The following PARD3B variants were observed in gnomAD, a reference collection of about 807,000 sequenced individuals.
PARD3B encodes partitioning defective 3 homolog B.
Under a neutral mutation model 130.2 loss-of-function variants are expected in PARD3B, and 103 were observed. The ratio of observed to expected loss-of-function variants is 0.79; its 90% CI spans 0.67 to 0.93. The LOEUF (loss-of-function observed/expected upper bound fraction) is 0.93, where lower values mean the gene tolerates loss of function less well. Among genes scored for constraint, PARD3B ranks in the 40% least tolerant of loss-of-function variants. The pLI is 0.00. For missense variants in PARD3B, 1,609 were observed against 1,499.2 expected, an observed-to-expected ratio of 1.07 and a Z score of -1.21; for synonymous variants, 583 against 553.2, an observed-to-expected ratio of 1.05 and a Z score of -0.76.
chr2:205,145,328 CA>C (rs35788115), intron 10 of PARD3B, among the ~76,000 whole-genome samples: 45,808 of 145,132 alleles, frequency 0.32, 7,355 homozygotes, highest in Admixed American at 0.46. Context: ...GCCGCCCCCG[CA>C]AAAAAAAAAG....
At chr2:204,771,294 A>G (rs2041366316) in intron 2 of PARD3B, among the ~76,000 whole-genome samples, 1 of 151,962 alleles carries the variant, frequency 6.6e-6, no homozygotes, top group South Asian at 2.1e-4. Flanking sequence ...TGCCATAGAT[A>G]GTATCTATGA....
At chr2:204,852,172 T>TTG (rs202239924) in intron 2 of PARD3B, among the ~76,000 whole-genome samples, 11 of 142,116 alleles carry the variant, frequency 7.7e-5, no homozygotes, top group Admixed American at 6.3e-4. Flanking sequence ...TTGCCACAAG[T>TTG]TTTTTTTTTT....
chr2:205,581,263 TATAG>T (rs376693813), intron 22 of PARD3B, among the ~76,000 whole-genome samples: 89 of 131,152 alleles, frequency 6.8e-4, no homozygotes, highest in African/African-American at 2.3e-3. Context: ...TATATATAGA[TATAG>T]ATAGATAGAT....
chr2:205,059,935 T>A (rs1348885063), intron 4 of PARD3B, among the ~76,000 whole-genome samples: 1 of 152,108 alleles, frequency 6.6e-6, no homozygotes, highest in Non-Finnish European at 1.5e-5. Context: ...TTCAAATATA[T>A]TATTTCATCC....
chr2:205,489,554 A>ATACGTATATATATACATC (rs2049606615), intron 20 of PARD3B, among the ~76,000 whole-genome samples: 1 of 111,156 alleles, frequency 9.0e-6, no homozygotes, highest in Non-Finnish European at 1.9e-5. Context: ...ATATGTATAT[A>ATACGTATATATATACATC]TATACATATA....
intron 20 of PARD3B, among the ~76,000 whole-genome samples, chr2:205,485,253 A>ATT (rs912820876): frequency 5.9e-5 from 9 of 152,132 alleles, no homozygotes; most frequent in African/African-American, 2.2e-4. Flanking sequence ...GAAATTTATC[A>ATT]TTATATTGCT....
rs534679638 is a variant in PARD3B, at chr2:205,568,963, A to G, written c.3260+15560A>G. On this transcript the variant is annotated intron_variant, in intron 22 of 22. Transcript: ENST00000406610. This position sits in a 1 kb window ranked among gnomAD's most constrained non-coding sequence, Gnocchi z 5.3. ...GTAATTACCAGGTCAAAGAATGTGA[A>G]TATTTTTAAAGTTTCTGATGTATAT... Among the ~76,000 whole-genome samples the G allele has an allele frequency of 7.9e-5, 12 of 152,200 alleles. No individual in the cohort carries two copies. Among genetic ancestry groups the G allele is most frequent in the Non-Finnish European group, 1.6e-4 (11 of 68,030 alleles).
chr2:204,778,159 A>AG (rs1046821570), intron 2 of PARD3B, among the ~76,000 whole-genome samples: 2 of 151,946 alleles, frequency 1.3e-5, no homozygotes, highest in African/African-American at 4.8e-5. Context: ...AAAAAAAAAA[A>AG]AAAAAGATCG....
chr2:205,349,529 T>A (rs926254659), intron 18 of PARD3B, among the ~76,000 whole-genome samples: 1 of 152,118 alleles, frequency 6.6e-6, no homozygotes, highest in African/African-American at 2.4e-5. Context: ...GATGCAAACA[T>A]CACTACAACA....
chr2:205,428,956 A>C (rs73053997), intron 19 of PARD3B, among the ~76,000 whole-genome samples: 1,663 of 152,260 alleles, frequency 0.011, 34 homozygotes, highest in African/African-American at 0.038. Context: ...CTGCTTCCAA[A>C]TTAGGAATAC....
At chr2:204,646,965 G>T (rs1215455761) in intron 1 of PARD3B, among the ~76,000 whole-genome samples, 1 of 151,972 alleles carries the variant, frequency 6.6e-6, no homozygotes, top group African/African-American at 2.4e-5. Context: ...TTATAATAAA[G>T]TGTTGAATAT....
chr2:205,065,830 C>G (rs1002775568), intron 4 of PARD3B, among the ~76,000 whole-genome samples: 4 of 152,074 alleles, frequency 2.6e-5, no homozygotes. Context: ...CAGGCCATGC[C>G]CATGAACTTT....
At chr2:205,318,302 C>T (rs2042629678) in intron 18 of PARD3B, among the ~76,000 whole-genome samples, 1 of 152,134 alleles carries the variant, frequency 6.6e-6, no homozygotes, top group African/African-American at 2.4e-5. Flanking sequence ...AAAAGATGGA[C>T]TATAAAATGA....
At chr2:204,653,104 A>G (rs2125171260) in intron 1 of PARD3B, among the ~76,000 whole-genome samples, 1 of 151,024 alleles carries the variant, frequency 6.6e-6, no homozygotes, top group East Asian at 1.9e-4. Context: ...CACAACAGAC[A>G]CTGGGATCTT....
At chr2:204,913,866 A>G (rs1334432784) in intron 2 of PARD3B, among the ~76,000 whole-genome samples, 3 of 152,250 alleles carry the variant, frequency 2.0e-5, no homozygotes, top group African/African-American at 7.2e-5. Context: ...TGTCTACTTA[A>G]CGGACAGAAC....
intron 2 of PARD3B, among the ~76,000 whole-genome samples, chr2:204,811,698 A>G (rs1200730090): frequency 2.0e-5 from 3 of 152,124 alleles, no homozygotes; most frequent in East Asian, 1.9e-4. Context: ...TTATCCACCA[A>G]TTTCAAAATA....
intron 2 of PARD3B, among the ~76,000 whole-genome samples, chr2:204,849,967 T>A (rs982995035): frequency 2.0e-5 from 3 of 152,202 alleles, no homozygotes. Context: ...TAAATTGGTA[T>A]TTTTCTAAAA....
rs1418636603 is a variant in PARD3B at position 205,440,004 on chromosome 2, G to T, written c.2742-366G>T. On this transcript the variant is annotated intron_variant, in intron 19 of 22. Coordinates refer to ENST00000406610, the MANE Select transcript of PARD3B (RefSeq NM_001302769.2). The surrounding 1 kb of genome is among the most constrained non-coding windows in gnomAD (Gnocchi z 4.2). The stretch of plus-strand genomic sequence containing the variant: ...GATGAGTTTGTTAACATGCATCCCT[G>T]TCCCAAGAAAGGCTTCTATAATATC... Among the ~76,000 whole-genome samples, 3 of 152,144 alleles carry T rather than the reference G, an allele frequency of 2.0e-5. No homozygotes were observed. Among genetic ancestry groups the T allele is most frequent in the East Asian group, 1.9e-4 (1 of 5,192 alleles).
At chr2:204,970,619 C>A (rs1255509677) in intron 3 of PARD3B, among the ~76,000 whole-genome samples, 3 of 152,078 alleles carry the variant, frequency 2.0e-5, no homozygotes, top group Admixed American at 1.3e-4. Context: ...TATTTTGTAC[C>A]TTTTGATAAT....
Sources: gnomAD v4.1 joint callset for allele counts (sites outside exome capture counted in the v4.1 genomes callset) on GRCh38, gnomAD v4.1.1 for gene constraint, Gnocchi (gnomAD v3.1) non-coding constraint, MANE v1.5 for transcripts, NCBI Gene and HGNC (gene_info 2026-07-23, HGNC 2026-07-21) for gene names.